The following URGCP variants were observed in gnomAD, a reference collection of about 807,000 sequenced individuals.
The protein encoded by URGCP is upregulator of cell proliferation.
URGCP carries 13 observed loss-of-function variants against 24.6 expected under a neutral mutation model. The ratio of observed to expected loss-of-function variants is 0.53; its 90% CI spans 0.34 to 0.84. The LOEUF (loss-of-function observed/expected upper bound fraction) is 0.84, where lower values mean the gene tolerates loss of function less well. Among genes scored for constraint, URGCP ranks in the 40% least tolerant of loss-of-function variants. URGCP has a pLI of 0.01. For synonymous variants in URGCP, 444 were observed against 487.2 expected, an observed-to-expected ratio of 0.91 and a Z score of 1.17; for missense variants, 899 against 1,194.3, an observed-to-expected ratio of 0.75 and a Z score of 3.64.
At chr7:43,896,436 CAGAG>C (rs1286819930) in intron 1 of URGCP, among the ~76,000 whole-genome samples, 3 of 128,816 alleles carry the variant, frequency 2.3e-5, no homozygotes, top group Admixed American at 9.1e-5. Flanking sequence ...GCCTGGGCGA[CAGAG>C]AGAGACTCTG....
At chr7:43,910,382 A>ATTTTTTT (rs1158648185), upstream of URGCP, among the ~76,000 whole-genome samples, 4 of 90,102 alleles carry the variant, frequency 4.4e-5, no homozygotes, top group Admixed American at 1.5e-4. Flanking sequence ...TGTCTGGCTA[A>ATTTTTTT]TTTTTTTTTT....
At position 43,876,530 on chromosome 7, in the gene URGCP, CTG is replaced by C. The variant is rs1554287979; in HGVS notation, c.*135_*136del. Reference sequence around the variant, plus strand: ...AACACTGTTGAGGAGACTCCAAACCCTGTCTTTTCCTCGTCTTCTCATGTCGA... The same window carrying C: ...AACACTGTTGAGGAGACTCCAAACCCTCTTTTCCTCGTCTTCTCATGTCGA... On this transcript the variant is annotated 3_prime_UTR_variant, in exon 6 of 6. Coordinates refer to ENST00000453200, the MANE Select transcript of URGCP (RefSeq NM_001077663.3). The C allele has an allele frequency of 2.1e-5, 17 of 826,774 alleles. No homozygotes were observed. The highest frequency in any genetic ancestry group is 2.9e-5 in the Non-Finnish European group (17 of 583,140). The allele number at this position is 826,774 out of a possible 1,614,324, so 51.2% of individuals were successfully genotyped here. A position where few individuals can be genotyped will look rare whatever the true frequency, so the allele number is the denominator to read the frequency against.
chr7:43,922,254 G>T (rs1181169760), intron 1 of URGCP, among the ~76,000 whole-genome samples: 3 of 152,136 alleles, frequency 2.0e-5, no homozygotes, highest in African/African-American at 7.2e-5. Context: ...TAGAGACAGG[G>T]TTTCACCATG....
In URGCP at chr7:43,878,611, G is replaced by C; in HGVS notation, c.852C>G (p.Ser284Arg). 6.2e-7 allele frequency: 1 copy of C among 1,613,884 alleles called. No individual in the cohort carries two copies. ...SKSQLLNAVL[S>R]PGHRQWDCFW... ...AGCAGTCCCACTGCCTGTGGCCCGG[G>C]CTGAGGACGGCGTTGAGAAGCTGGG... The change falls in exon 6 of 6, where the codon AGC becomes AGG. Residue 284 changes from serine to arginine, a missense_variant. Transcript: ENST00000453200. The surrounding 1 kb of genome is among the most constrained non-coding windows in gnomAD (Gnocchi z 5.6).
chr7:43,892,972 G>A (rs1050697190), intron 1 of URGCP, among the ~76,000 whole-genome samples: 5 of 151,992 alleles, frequency 3.3e-5, no homozygotes, highest in Non-Finnish European at 7.4e-5. Context: ...GAAAAAACAG[G>A]AAAGTAAAAC....
chr7:43,906,555 C>T lies in URGCP; in HGVS notation c.14+7G>A. 1 of 1,241,584 alleles carries T rather than the reference C, an allele frequency of 8.1e-7. No homozygotes were observed. The highest frequency in any genetic ancestry group is 2.5e-5 in the South Asian group (1 of 40,690). The allele number at this position is 1,241,584 out of a possible 1,614,324, so 76.9% of individuals were successfully genotyped here. ...CGGGGGCGCAGGGCCTGCGAGGCGGCACTCACCCGGGCGACGCCATGAGCG... is the reference window on the plus strand; with the variant it reads ...CGGGGGCGCAGGGCCTGCGAGGCGGTACTCACCCGGGCGACGCCATGAGCG... On this transcript the variant is annotated splice_region_variant and intron_variant, in intron 1 of 5. Coordinates refer to ENST00000453200, the MANE Select transcript of URGCP (RefSeq NM_001077663.3).
At chr7:43,905,874 A>G (rs1401918744) in intron 1 of URGCP, 1 of 152,338 alleles carries the variant, frequency 6.6e-6, no homozygotes, top group East Asian at 1.9e-4. Flanking sequence ...ATTTTTTCTC[A>G]AAAATTACAA....
At chr7:43,915,421 C>T (rs1421598963) in intron 1 of URGCP, among the ~76,000 whole-genome samples, 1 of 152,212 alleles carries the variant, frequency 6.6e-6, no homozygotes, top group African/African-American at 2.4e-5. Context: ...GAATGTCAGC[C>T]TTGGTCCAAC....
chr7:43,916,879 C>T lies in URGCP; in HGVS notation c.-116+9253G>A, dbSNP rs180905812. 7.9e-5 allele frequency among the ~76,000 whole-genome samples: 12 copies of T among 152,186 alleles called. No homozygotes were observed. In the East Asian group the frequency reaches 2.1e-3, roughly 27 times the overall value. On this transcript the variant is annotated intron_variant, in intron 1 of 5. Transcript: ENST00000426198. ...GCTAGGAAGAGAAGGGAACCAGGGACGCCTTGCTCCCCTCTTTCTAGATGA... is the reference window on the plus strand; with the variant it reads ...GCTAGGAAGAGAAGGGAACCAGGGATGCCTTGCTCCCCTCTTTCTAGATGA...
Position 43,881,920 on chromosome 7 carries a change from C to T in URGCP, c.150G>A (p.Glu50=), listed in dbSNP as rs749160384. 3.7e-6 allele frequency: 6 copies of T among 1,614,116 alleles called. No homozygotes were observed. The Admixed American group carries it at 1.0e-4, about 27-fold the overall frequency. Residue 50 remains glutamate (E), a synonymous_variant, in exon 4 of 6, where the codon GAG becomes GAA. Transcript: ENST00000453200. ...TGTAGTTTCTACCTCCATAACGGAA[C>T]TCGCAATCATCTCCTTCCATTTCTC... ...EWREMEGDDC[E]FRYGDGTNEA... is the part of the protein sequence containing the mutation.
At chr7:43,896,416 C>A (rs1039996052) in intron 1 of URGCP, among the ~76,000 whole-genome samples, 1 of 141,950 alleles carries the variant, frequency 7.0e-6, no homozygotes, top group South Asian at 2.2e-4. Flanking sequence ...GATTGCGCCA[C>A]GACAATCCAG....
At chr7:43,906,356 C>A (rs1423699893) in intron 1 of URGCP, 17 of 330,898 alleles carry the variant, frequency 5.1e-5, no homozygotes, top group South Asian at 1.2e-4. Context: ...GCCGGCGCCC[C>A]CGCCCGCCCC....
chr7:43,918,262 C>CAAAAAAAAAAAAA, intron 1 of URGCP, among the ~76,000 whole-genome samples: 1 of 55,230 alleles, frequency 1.8e-5, no homozygotes. Context: ...CAATAGACCT[C>CAAAAAAAAAAAAA]AAAAAAAAAA....
chr7:43,926,424 C>T, upstream of URGCP: 1 of 1,028,862 alleles, frequency 9.7e-7, no homozygotes, highest in Non-Finnish European at 1.3e-6. Flanking sequence ...CCCGCGCGCG[C>T]AAGCGCAGGC....
intron 1 of URGCP, among the ~76,000 whole-genome samples, chr7:43,920,415 T>C (rs1279893858): frequency 1.3e-5 from 2 of 151,902 alleles, no homozygotes; most frequent in African/African-American, 4.8e-5. Flanking sequence ...CAAAAAAAAT[T>C]AGCTGGGTGT....
chr7:43,924,798 G>A (rs1034180915), intron 1 of URGCP, among the ~76,000 whole-genome samples: 1 of 152,164 alleles, frequency 6.6e-6, no homozygotes, highest in African/African-American at 2.4e-5. Context: ...TTGAGACAGG[G>A]TCTTGCTTTG....
chr7:43,887,004 A>G (rs1171136818), intron 3 of URGCP, among the ~76,000 whole-genome samples: 2 of 152,160 alleles, frequency 1.3e-5, no homozygotes, highest in African/African-American at 2.4e-5. Flanking sequence ...TGTTTTCCCA[A>G]CATTACATCC....
Position 43,878,106 on chromosome 7 carries a change from G to A in URGCP, c.1357C>T (p.His453Tyr), listed in dbSNP as rs1213898742. 6.2e-7 allele frequency: 1 copy of A among 1,614,200 alleles called. No homozygotes were observed. The highest frequency in any genetic ancestry group is 2.2e-5 in the East Asian group (1 of 44,884). The stretch of plus-strand genomic sequence containing the variant: ...TTTAGGCCCAGTTTGCGGGCTGCGT[G>A]CGCCATGTCCTCCACAGATACCCGC... ...CRRVSVEDMA[H>Y]AARKLGLKVD... is the part of the protein sequence containing the mutation. The change falls in exon 6 of 6, where the codon CAC (histidine) becomes TAC (tyrosine). Residue 453 changes from histidine to tyrosine, a missense_variant. His to Tyr is a moderately conservative substitution (Grantham distance 83). Transcript: ENST00000453200. This position sits in a 1 kb window ranked among gnomAD's most constrained non-coding sequence, Gnocchi z 5.6.
chr7:43,900,229 C>T (rs902065278), intron 1 of URGCP, among the ~76,000 whole-genome samples: 7 of 151,318 alleles, frequency 4.6e-5, no homozygotes, highest in South Asian at 2.1e-4. Context: ...CCAAGGCAGG[C>T]GGATCGCTTA....
Sources: gnomAD v4.1 joint callset for allele counts (sites outside exome capture counted in the v4.1 genomes callset) on GRCh38, gnomAD v4.1.1 for gene constraint, Gnocchi (gnomAD v3.1) non-coding constraint, MANE v1.5 for transcripts, NCBI Gene and HGNC (gene_info 2026-07-23, HGNC 2026-07-21) for gene names.